FERMT2: variants seen among roughly 807,000 people sequenced by gnomAD.
FERMT2 encodes the protein FERM domain containing kindlin 2, also known as fermitin family homolog 2.
Under a neutral mutation model 82.7 loss-of-function variants are expected in FERMT2, and 15 were observed. That is an observed-to-expected ratio of 0.18 (90% CI 0.12 to 0.28). FERMT2 has a LOEUF of 0.28. FERMT2 is among the 10% of genes least tolerant of loss of function. The probability of loss-of-function intolerance (pLI) is 1.00; values close to 1 mark genes in which losing one functional copy is unlikely to be tolerated. For missense variants in FERMT2, 645 were observed against 809.4 expected (o/e 0.80, Z 2.46); for synonymous variants, 274 against 271.5 (o/e 1.01, Z -0.09).
chr14:52,950,348 C>A (rs921440655), intron 2 of FERMT2, 64 bp downstream of exon 2: 8 of 1,533,860 alleles, frequency 5.2e-6, no homozygotes, highest in Admixed American at 3.6e-5. Flanking sequence ...CCGTCGTGAG[C>A]CTCTTTCCTC....
intron 2 of FERMT2, among the ~76,000 whole-genome samples, chr14:52,937,721 CAT>C (rs1225143554): frequency 1.3e-5 from 2 of 152,206 alleles, no homozygotes; most frequent in African/African-American, 4.8e-5. Flanking sequence ...CCACACGTCT[CAT>C]GTTATACCTC....
chr14:52,909,137 GA>G (rs771768981), intron 3 of FERMT2, among the ~76,000 whole-genome samples: 21 of 152,222 alleles, frequency 1.4e-4, no homozygotes, highest in Non-Finnish European at 2.1e-4. Flanking sequence ...AGAGAGAGGT[GA>G]AAGAGAGAGA....
intron 7 of FERMT2, among the ~76,000 whole-genome samples, chr14:52,877,587 T>TTTTTTC (rs1886045733): frequency 7.0e-6 from 1 of 142,714 alleles, no homozygotes; most frequent in African/African-American, 2.6e-5. Context: ...TTTTTTTTTT[T>TTTTTTC]TTTTTTTTTT....
intron 2 of FERMT2, among the ~76,000 whole-genome samples, chr14:52,944,343 C>A (rs1423873592): frequency 6.6e-6 from 1 of 152,188 alleles, no homozygotes. Context: ...GAGGATGCAT[C>A]ATGTAGGCAT....
At chr14:52,884,704 A>AT (rs1390050372) in intron 4 of FERMT2, among the ~76,000 whole-genome samples, 1 of 151,434 alleles carries the variant, frequency 6.6e-6, no homozygotes, top group Non-Finnish European at 1.5e-5. Context: ...GTGTGCACCT[A>AT]TTTTTTAAAA....
chr14:52,929,771 T>C (rs889371319), intron 2 of FERMT2, among the ~76,000 whole-genome samples: 1 of 152,168 alleles, frequency 6.6e-6, no homozygotes, highest in Non-Finnish European at 1.5e-5. Context: ...TATTTCAGTA[T>C]CCTGTGATAT....
chr14:52,931,661 T>C (rs192053710), intron 2 of FERMT2, among the ~76,000 whole-genome samples: 1 of 152,260 alleles, frequency 6.6e-6, no homozygotes, highest in Admixed American at 6.5e-5. Flanking sequence ...TAGATGATAA[T>C]AGCACTAAGA....
At chr14:52,905,569 T>C (rs527349994) in intron 3 of FERMT2, among the ~76,000 whole-genome samples, 85 of 152,072 alleles carry the variant, frequency 5.6e-4, no homozygotes, top group Non-Finnish European at 7.9e-4. Flanking sequence ...AGGGTGGAGA[T>C]GGAGAGACGT....
At chr14:52,858,723 T>G (rs1424682675) in intron 14 of FERMT2, 173 bp from the exon 15 acceptor site, 1 of 568,446 alleles carries the variant, frequency 1.8e-6, no homozygotes, top group Non-Finnish European at 3.1e-6. Flanking sequence ...AAGAAGAAGC[T>G]AAGTTTATTG....
chr14:52,928,336 T>C (rs1322526507), intron 2 of FERMT2: 1 of 161,726 alleles, frequency 6.2e-6, no homozygotes, highest in Non-Finnish European at 1.4e-5. Context: ...TAATTCTCTG[T>C]ACCATTTACT....
In FERMT2 at chr14:52,894,219, A is replaced by G. The variant is rs1472716553; in HGVS notation, c.392-792T>C. On this transcript the variant is annotated intron_variant, in intron 3 of 14. Coordinates refer to ENST00000341590, the MANE Select transcript of FERMT2 (RefSeq NM_006832.3). ...ATTTTCATTTGAGGAGTCTGATAACAAGGAAAATGGTTAAATGAAAATAAC... is the reference window on the plus strand; with the variant it reads ...ATTTTCATTTGAGGAGTCTGATAACGAGGAAAATGGTTAAATGAAAATAAC... 3.3e-5 allele frequency among the ~76,000 whole-genome samples: 5 copies of G among 152,318 alleles called. No individual in the cohort carries two copies. In the East Asian group the frequency reaches 9.6e-4, roughly 29 times the overall value.
chr14:52,927,592 TAAAAAAAAA>T (rs71125150), intron 2 of FERMT2, among the ~76,000 whole-genome samples: 25 of 33,716 alleles, frequency 7.4e-4, no homozygotes, highest in Non-Finnish European at 9.1e-4. Context: ...CTCATCCCTA[TAAAAAAAAA>T]AAAAAAAAAA....
intron 3 of FERMT2, among the ~76,000 whole-genome samples, chr14:52,918,823 G>T (rs1183895171): frequency 6.6e-6 from 1 of 152,124 alleles, no homozygotes; most frequent in African/African-American, 2.4e-5. Context: ...AGGAAACATT[G>T]CAAAGCCATG....
Position 52,868,764 on chromosome 14 carries a change from C to A in FERMT2, c.1274-3911G>T, listed in dbSNP as rs373277549. Among the ~76,000 whole-genome samples the A allele has an allele frequency of 1.6e-4, 24 of 152,146 alleles. No homozygotes were observed. In the East Asian group the frequency reaches 3.3e-3, roughly 21 times the overall value. ...ACTCGGGAGGCAGAGGTGGAAGGAT[C>A]GCTTGACCCCAAGAGTTGGAGATAA... On this transcript the variant is annotated intron_variant, in intron 10 of 14. Transcript: ENST00000341590.
chr14:52,873,171 G>C (rs1037883063), intron 9 of FERMT2, among the ~76,000 whole-genome samples: 20 of 152,154 alleles, frequency 1.3e-4, no homozygotes, highest in African/African-American at 4.1e-4. Context: ...CTGTGTTCCA[G>C]TATTCTGCAG....
At chr14:52,935,729 C>A (rs928963611) in intron 2 of FERMT2, among the ~76,000 whole-genome samples, 1 of 152,142 alleles carries the variant, frequency 6.6e-6, no homozygotes, top group Non-Finnish European at 1.5e-5. Context: ...AAACCTCTAA[C>A]GAAAAGTGAC....
At chr14:52,909,769 C>A (rs1888210754) in intron 3 of FERMT2, among the ~76,000 whole-genome samples, 1 of 151,646 alleles carries the variant, frequency 6.6e-6, no homozygotes. Flanking sequence ...ATTTCCTTTT[C>A]ATCTTTATTT....
At chr14:52,891,784 A>G (rs1480860406) in intron 4 of FERMT2, among the ~76,000 whole-genome samples, 1 of 152,182 alleles carries the variant, frequency 6.6e-6, no homozygotes, top group Non-Finnish European at 1.5e-5. Context: ...TGGCTGATGG[A>G]AATGTAGGAA....
intron 3 of FERMT2, among the ~76,000 whole-genome samples, chr14:52,895,005 G>A (rs1027926266): frequency 2.0e-5 from 3 of 151,896 alleles, no homozygotes; most frequent in Non-Finnish European, 4.4e-5. Context: ...CAAAAGTCTT[G>A]TATTCTGAAT....
Sources: gnomAD v4.1 joint callset for allele counts (sites outside exome capture counted in the v4.1 genomes callset) on GRCh38, gnomAD v4.1.1 for gene constraint, MANE v1.5 for transcripts, NCBI Gene and HGNC (gene_info 2026-07-23, HGNC 2026-07-21) for gene names.